The following PHF11 variants were observed in gnomAD, a reference collection of about 807,000 sequenced individuals.
PHF11 encodes the protein BRCA1 C-terminus-associated protein.
In PHF11, 38 loss-of-function variants were observed where a neutral mutation model predicts 40.5. The ratio of observed to expected loss-of-function variants is 0.94; its 90% CI spans 0.72 to 1.23. PHF11 has a LOEUF of 1.23. Among genes scored for constraint, PHF11 ranks in the 50% most tolerant of loss-of-function variants. The pLI is 0.00. For missense variants in PHF11, 369 were observed against 392.4 expected (o/e 0.94, Z 0.50); for synonymous variants, 127 against 138.2 (o/e 0.92, Z 0.57).
intron 1 of PHF11, among the ~76,000 whole-genome samples, chr13:49,505,764 T>TTCTTCCTA (rs1287677662): frequency 6.6e-6 from 1 of 152,164 alleles, no homozygotes; most frequent in East Asian, 1.9e-4. Flanking sequence ...TTCCCTTAGA[T>TTCTTCCTA]TTCTTTCCTT....
At chr13:49,501,955 T>G (rs1274001799) in intron 1 of PHF11, among the ~76,000 whole-genome samples, 1 of 151,954 alleles carries the variant, frequency 6.6e-6, no homozygotes, top group East Asian at 2.0e-4. Context: ...CCTCCCAAAG[T>G]GCTGGGATTA....
In PHF11 at chr13:49,518,052, T is replaced by C; in HGVS notation, c.359T>C (p.Val120Ala). ...TTTTGTCATAAAAGAGGAGCCACCG[T>C]GGGATGTGATTTAAAAAACTGTAAC... ...CKFCHKRGAT[V>A]GCDLKNCNKN... The change falls in exon 4 of 10, where the codon GTG (valine) becomes GCG (alanine). Residue 120 changes from valine (V) to alanine (A), a missense_variant. Physicochemically the swap from Val to Ala is moderately conservative, Grantham distance 64. Coordinates refer to ENST00000378319, the MANE Select transcript of PHF11 (RefSeq NM_001040443.3). 1 of 1,586,742 alleles carries C rather than the reference T, an allele frequency of 6.3e-7. No individual in the cohort carries two copies.
intron 1 of PHF11, among the ~76,000 whole-genome samples, chr13:49,505,515 C>A (rs1223091377): frequency 6.6e-6 from 1 of 152,178 alleles, no homozygotes; most frequent in Admixed American, 6.5e-5. Flanking sequence ...TAAAATAAAT[C>A]TTTCTTTCAA....
chr13:49,523,640 A>T (rs756581607), intron 7 of PHF11: 2 of 234,426 alleles, frequency 8.5e-6, no homozygotes, highest in Admixed American at 5.3e-5. Context: ...TATGTCAAAG[A>T]CTTAAGGGTA....
At chr13:49,528,464 T>C in intron 9 of PHF11, 47 bp from the exon 10 acceptor site, 1 of 1,343,526 alleles carries the variant, frequency 7.4e-7, no homozygotes, top group African/African-American at 1.5e-5. Context: ...TTATTTCTAA[T>C]AAAACTACTG....
At chr13:49,526,246 G>T in intron 8 of PHF11, 141 bp from the exon 9 acceptor site, 1 of 621,076 alleles carries the variant, frequency 1.6e-6, no homozygotes, top group Non-Finnish European at 2.9e-6. Flanking sequence ...TAGTGCTGCT[G>T]CTGCTGTTGC....
chr13:49,497,542 T>G (rs1330475385), intron 1 of PHF11, among the ~76,000 whole-genome samples: 1 of 152,250 alleles, frequency 6.6e-6, no homozygotes, highest in African/African-American at 2.4e-5. Context: ...CTTCCATTAC[T>G]GCCACCCAAG....
At chr13:49,505,381 CTGACT>C (rs1336781284) in intron 1 of PHF11, among the ~76,000 whole-genome samples, 1 of 152,086 alleles carries the variant, frequency 6.6e-6, no homozygotes, top group African/African-American at 2.4e-5. Context: ...ATGCAGCCTT[CTGACT>C]TGGTGAAATG....
chr13:49,526,034 C>T (rs980442022), intron 8 of PHF11: 6 of 325,952 alleles, frequency 1.8e-5, no homozygotes, highest in East Asian at 8.3e-5. Flanking sequence ...CCGGGCGTGG[C>T]GGTGCGCGCC....
intron 1 of PHF11, among the ~76,000 whole-genome samples, chr13:49,503,705 C>A (rs192950366): frequency 1.3e-5 from 2 of 152,238 alleles, no homozygotes; most frequent in East Asian, 3.9e-4. Context: ...ATTAGCTTCA[C>A]CTGTTTCTTT....
chr13:49,504,761 G>C (rs190101554), intron 1 of PHF11, among the ~76,000 whole-genome samples: 2,075 of 152,016 alleles, frequency 0.014, 41 homozygotes, highest in African/African-American at 0.045. Context: ...TCGCGGCTTT[G>C]TGGAATAGAA....
chr13:49,515,629 C>T (rs537053700), intron 3 of PHF11, among the ~76,000 whole-genome samples: 1 of 152,072 alleles, frequency 6.6e-6, no homozygotes, highest in Non-Finnish European at 1.5e-5. Flanking sequence ...GGCACGAACT[C>T]CTAGGTGCAT....
chr13:49,502,623 G>A (rs1023315358), intron 1 of PHF11, among the ~76,000 whole-genome samples: 14 of 152,174 alleles, frequency 9.2e-5, no homozygotes, highest in Non-Finnish European at 1.0e-4. Flanking sequence ...TGTTACATTC[G>A]TAAGTCCAGA....
chr13:49,511,388 G>A (rs1959081118), intron 2 of PHF11, among the ~76,000 whole-genome samples: 1 of 149,162 alleles, frequency 6.7e-6, no homozygotes. Context: ...GTGTGATGGC[G>A]CGATCTCGGC....
At chr13:49,517,323 C>T (rs915050113) in intron 3 of PHF11, among the ~76,000 whole-genome samples, 2 of 152,196 alleles carry the variant, frequency 1.3e-5, no homozygotes, top group African/African-American at 4.8e-5. Context: ...GCTGATCAGC[C>T]TTGGTCCTGG....
chr13:49,524,591 C>T (rs1358264022), intron 8 of PHF11, among the ~76,000 whole-genome samples: 2 of 151,910 alleles, frequency 1.3e-5, no homozygotes, highest in South Asian at 2.1e-4. Context: ...TTTCCTGTCT[C>T]AGCCTCCTGA....
intron 4 of PHF11, chr13:49,518,912 T>C (rs1021334140): frequency 1.9e-4 from 29 of 149,992 alleles, no homozygotes; most frequent in African/African-American, 6.4e-4. Flanking sequence ...CTCGGCTCAC[T>C]GCAAGCTCCG....
rs570712105 is a variant in PHF11, at chr13:49,501,022, T to G, written c.94+4927T>G. On this transcript the variant is annotated intron_variant, in intron 1 of 9. Coordinates refer to ENST00000378319, the MANE Select transcript of PHF11 (RefSeq NM_001040443.3). ...TTTGTTTTTTTTTTTTTTTGGTTTT[T>G]TTTTTTCTGAAATGGAGTTTTGTTC... Among the ~76,000 whole-genome samples, 309 of 146,666 alleles carry G rather than the reference T, an allele frequency of 2.1e-3. 20 individuals are homozygous for G. The Middle Eastern group carries it at 0.038, about 18-fold the overall frequency.
At chr13:49,497,503 T>G (rs1465571271) in intron 1 of PHF11, among the ~76,000 whole-genome samples, 1 of 152,192 alleles carries the variant, frequency 6.6e-6, no homozygotes, top group African/African-American at 2.4e-5. Context: ...TCAGCCTGAC[T>G]GTATCTGGAG....
Sources: gnomAD v4.1 joint callset for allele counts (sites outside exome capture counted in the v4.1 genomes callset) on GRCh38, gnomAD v4.1.1 for gene constraint, MANE v1.5 for transcripts, NCBI Gene and HGNC (gene_info 2026-07-23, HGNC 2026-07-21) for gene names.